The following AKAP6 variants were observed in gnomAD, a reference collection of about 807,000 sequenced individuals.
AKAP6 encodes A-kinase anchoring protein 6.
In AKAP6, 58 loss-of-function variants were observed where a neutral mutation model predicts 188.5. The observed-to-expected ratio is 0.31, with a 90% CI of 0.25 to 0.38. The LOEUF (loss-of-function observed/expected upper bound fraction) is 0.38, where lower values mean the gene tolerates loss of function less well. Among genes scored for constraint, AKAP6 ranks in the 10% least tolerant of loss-of-function variants. The probability of loss-of-function intolerance (pLI) is 1.00; values close to 1 mark genes in which losing one functional copy is unlikely to be tolerated. For synonymous variants in AKAP6, 989 were observed against 998.6 expected (o/e 0.99, Z 0.18); for missense variants, 2,710 against 2,740.0 (o/e 0.99, Z 0.24).
intron 3 of AKAP6, among the ~76,000 whole-genome samples, chr14:32,539,715 ATG>A (rs1372848455): frequency 3.9e-5 from 6 of 152,164 alleles, no homozygotes; most frequent in African/African-American, 1.4e-4. Context: ...ATTTTTGTAT[ATG>A]TTTTCCCCTT....
intron 1 of AKAP6, among the ~76,000 whole-genome samples, chr14:32,340,311 A>G (rs1886849937): frequency 6.6e-6 from 1 of 152,210 alleles, no homozygotes; most frequent in African/African-American, 2.4e-5. Flanking sequence ...TGCATCTGCA[A>G]TATATGGCAT....
intron 9 of AKAP6, among the ~76,000 whole-genome samples, chr14:32,704,993 G>A (rs1345923091): frequency 6.6e-6 from 1 of 152,144 alleles, no homozygotes; most frequent in Non-Finnish European, 1.5e-5. Context: ...AGAAGTCCTG[G>A]TACCTGTTCA....
chr14:32,450,566 A>G (rs932799755), intron 2 of AKAP6, among the ~76,000 whole-genome samples: 1 of 152,202 alleles, frequency 6.6e-6, no homozygotes, highest in African/African-American at 2.4e-5. Context: ...TTTATTGTGT[A>G]TTAGTATACT....
At chr14:32,654,569 G>T (rs1472117695) in intron 7 of AKAP6, among the ~76,000 whole-genome samples, 3 of 151,846 alleles carry the variant, frequency 2.0e-5, no homozygotes, top group African/African-American at 7.3e-5. Context: ...ATTATGGGCT[G>T]AGCCAGCTGG....
chr14:32,673,774 A>C (rs1889318312), intron 7 of AKAP6, among the ~76,000 whole-genome samples: 1 of 151,964 alleles, frequency 6.6e-6, no homozygotes, highest in Admixed American at 6.6e-5. Flanking sequence ...AGAATGTACA[A>C]CTCATCCACT....
chr14:32,726,507 T>C (rs948084144), intron 9 of AKAP6, among the ~76,000 whole-genome samples: 1 of 152,264 alleles, frequency 6.6e-6, no homozygotes, highest in African/African-American at 2.4e-5. Context: ...AATTTTATAC[T>C]TGTGTTATTT....
intron 4 of AKAP6, among the ~76,000 whole-genome samples, chr14:32,558,630 C>G (rs952833609): frequency 1.3e-5 from 2 of 152,100 alleles, no homozygotes; most frequent in African/African-American, 4.8e-5. Flanking sequence ...GGAGTATAGG[C>G]TAAGCCACTA....
intron 1 of AKAP6, among the ~76,000 whole-genome samples, chr14:32,352,580 C>G (rs1415049636): frequency 2.6e-5 from 4 of 152,194 alleles, no homozygotes; most frequent in African/African-American, 9.7e-5. Context: ...CTGTCCTCAG[C>G]CTTTGGTAAT....
In AKAP6 at chr14:32,822,229, C is replaced by T. The variant is rs1183161076; in HGVS notation, c.4416C>T (p.Tyr1472=). ...HDVFTFYDYS[Y]LQGSKLKLPM... is the part of the protein sequence containing the mutation. ...TGTTTACATTTTATGATTACTCATA[C>T]CTCCAAGGCTCAAAACTCAAATTAC... Residue 1472 remains tyrosine, a synonymous_variant, in exon 13 of 14, where the codon TAC becomes TAT. Transcript: ENST00000280979. 2 of 1,613,822 alleles carry T rather than the reference C, an allele frequency of 1.2e-6. No homozygotes were observed. Among genetic ancestry groups the T allele is most frequent in the Admixed American group, 3.3e-5 (2 of 59,912 alleles).
intron 7 of AKAP6, among the ~76,000 whole-genome samples, chr14:32,649,625 T>C (rs1402484411): frequency 6.6e-6 from 1 of 152,198 alleles, no homozygotes; most frequent in African/African-American, 2.4e-5. Context: ...TTATGAATTG[T>C]TTCTTTTTTT....
At chr14:32,394,745 C>T (rs1414275411) in intron 1 of AKAP6, among the ~76,000 whole-genome samples, 1 of 152,102 alleles carries the variant, frequency 6.6e-6, no homozygotes, top group Non-Finnish European at 1.5e-5. Flanking sequence ...TCAGCAAAAA[C>T]ATGTAGTTTT....
At chr14:32,462,136 A>C (rs1178296005) in intron 2 of AKAP6, among the ~76,000 whole-genome samples, 2 of 152,166 alleles carry the variant, frequency 1.3e-5, no homozygotes, top group Non-Finnish European at 2.9e-5. Context: ...GGAGAATGGA[A>C]CCAAGTTGGA....
intron 12 of AKAP6, among the ~76,000 whole-genome samples, chr14:32,776,539 T>A (rs1193687022): frequency 6.6e-6 from 1 of 152,210 alleles, no homozygotes; most frequent in Admixed American, 6.5e-5. Flanking sequence ...GAAAACAGAC[T>A]AATACACTGC....
At chr14:32,751,397 A>T (rs1016539373) in intron 11 of AKAP6, among the ~76,000 whole-genome samples, 2 of 151,890 alleles carry the variant, frequency 1.3e-5, no homozygotes, top group African/African-American at 2.4e-5. Flanking sequence ...TTCTTTTGGA[A>T]TTTATAGTCA....
chr14:32,798,757 C>T (rs1212598864), intron 12 of AKAP6, among the ~76,000 whole-genome samples: 1 of 152,084 alleles, frequency 6.6e-6, no homozygotes, highest in Non-Finnish European at 1.5e-5. Context: ...AATAAAAAAA[C>T]TACCTATCAG....
intron 2 of AKAP6, among the ~76,000 whole-genome samples, chr14:32,511,569 G>GTTTCACC (rs1276640680): frequency 6.6e-6 from 1 of 151,992 alleles, no homozygotes; most frequent in African/African-American, 2.4e-5. Flanking sequence ...TAGAGATGGG[G>GTTTCACC]TTTCACCATG....
At chr14:32,653,456 C>A (rs1464311368) in intron 7 of AKAP6, among the ~76,000 whole-genome samples, 1 of 152,050 alleles carries the variant, frequency 6.6e-6, no homozygotes, top group Non-Finnish European at 1.5e-5. Flanking sequence ...CACCTCCCCT[C>A]CCCTCACTCT....
intron 9 of AKAP6, among the ~76,000 whole-genome samples, chr14:32,702,276 A>G (rs1285641597): frequency 6.6e-6 from 1 of 152,212 alleles, no homozygotes; most frequent in Admixed American, 6.5e-5. Flanking sequence ...GACTGTCTCC[A>G]CTGCTTATCT....
At chr14:32,781,980 T>C (rs1017336485) in intron 12 of AKAP6, among the ~76,000 whole-genome samples, 2 of 152,004 alleles carry the variant, frequency 1.3e-5, no homozygotes, top group African/African-American at 2.4e-5. Flanking sequence ...CTGGTCAACA[T>C]GGCGAAACCC....
Sources: gnomAD v4.1 joint callset for allele counts (sites outside exome capture counted in the v4.1 genomes callset) on GRCh38, gnomAD v4.1.1 for gene constraint, MANE v1.5 for transcripts, NCBI Gene and HGNC (gene_info 2026-07-23, HGNC 2026-07-21) for gene names.